SRRM4: variants seen among roughly 807,000 people sequenced by gnomAD.
SRRM4 encodes serine/arginine repetitive matrix 4.
In SRRM4, 33 loss-of-function variants were observed where a neutral mutation model predicts 68.9. The observed-to-expected ratio is 0.48, with a 90% CI of 0.36 to 0.64. The LOEUF is 0.64. Among genes scored for constraint, SRRM4 ranks in the 30% least tolerant of loss-of-function variants. The pLI is 0.00. For synonymous variants in SRRM4, 318 were observed against 318.8 expected (o/e 1.00, Z 0.03); for missense variants, 817 against 827.1 (o/e 0.99, Z 0.15).
chr12:118,985,629 A>G (rs1028856085), intron 1 of SRRM4, among the ~76,000 whole-genome samples: 3 of 152,230 alleles, frequency 2.0e-5, no homozygotes, highest in Non-Finnish European at 2.9e-5. Context: ...GATAAGATAT[A>G]TGAATCTCTA....
At chr12:119,003,649 A>G (rs992331706) in intron 1 of SRRM4, among the ~76,000 whole-genome samples, 9 of 151,916 alleles carry the variant, frequency 5.9e-5, no homozygotes, top group African/African-American at 2.2e-4. Flanking sequence ...AACCCTCCCA[A>G]TGGGCAGCAG....
intron 9 of SRRM4, among the ~76,000 whole-genome samples, chr12:119,149,054 A>G (rs1240799835): frequency 6.6e-6 from 1 of 152,204 alleles, no homozygotes; most frequent in Non-Finnish European, 1.5e-5. Context: ...TCTGGGGGTA[A>G]TAATAGCATT....
intron 3 of SRRM4, 147 bp downstream of exon 3, chr12:119,114,511 A>C (rs1954165254): frequency 1.6e-6 from 1 of 614,912 alleles, no homozygotes; most frequent in Non-Finnish European, 2.9e-6. Flanking sequence ...GTCACTTTAC[A>C]TCTCTGTTCC....
At position 119,156,822 on chromosome 12, in the gene SRRM4, G is replaced by A. The variant is rs1717034883; in HGVS notation, c.*24G>A. On this transcript the variant is annotated 3_prime_UTR_variant, in exon 13 of 13. Coordinates refer to ENST00000267260, the MANE Select transcript of SRRM4 (RefSeq NM_194286.4). ...AAGTGCCCCTGAGCCAGCTGCCCGT[G>A]GGGGCCCCTTCGCGCTGCCAGCCTC... is the stretch of plus-strand genomic sequence containing the variant. The A allele has an allele frequency of 1.3e-6, 2 of 1,498,936 alleles. No individual in the cohort carries two copies. The highest frequency in any genetic ancestry group is 8.9e-7 in the Non-Finnish European group (1 of 1,126,570). The allele number at this position is 1,498,936 out of a possible 1,614,324, so 92.9% of individuals were successfully genotyped here.
At chr12:119,101,209 G>A (rs772085583) in intron 1 of SRRM4, among the ~76,000 whole-genome samples, 3 of 152,152 alleles carry the variant, frequency 2.0e-5, no homozygotes, top group Admixed American at 6.5e-5. Flanking sequence ...AGGGAGGGAT[G>A]TTCTCTGCGT....
chr12:119,157,928 G>T lies in SRRM4; in HGVS notation c.*1130G>T. 6.5e-6 allele frequency: 1 copy of T among 152,968 alleles called. No homozygotes were observed. Among genetic ancestry groups the T allele is most frequent in the Non-Finnish European group, 1.5e-5 (1 of 68,272 alleles). The allele number at this position is 152,968 out of a possible 1,614,324, so 9.5% of individuals were successfully genotyped here. ...GGGGCACAGCAGCTCAGGTTTGGGG[G>T]AAAAGACCCGAATCCAGAGTGCAGG... is the stretch of plus-strand genomic sequence containing the variant. On this transcript the variant is annotated 3_prime_UTR_variant, in exon 13 of 13. Coordinates refer to ENST00000267260, the MANE Select transcript of SRRM4 (RefSeq NM_194286.4). This position sits in a 1 kb window ranked among gnomAD's most constrained non-coding sequence, Gnocchi z 4.1.
At chr12:119,057,282 C>T (rs369619955) in intron 1 of SRRM4, among the ~76,000 whole-genome samples, 5 of 152,270 alleles carry the variant, frequency 3.3e-5, no homozygotes, top group South Asian at 4.1e-4. Context: ...CAAAGATCAA[C>T]TCATCACCTA....
At chr12:119,059,040 C>T (rs1240497268) in intron 1 of SRRM4, among the ~76,000 whole-genome samples, 1 of 152,152 alleles carries the variant, frequency 6.6e-6, no homozygotes, top group Admixed American at 6.6e-5. Context: ...TCTGCCCAGC[C>T]CTCCTCTGTG....
In SRRM4 at chr12:119,145,640, C is replaced by A. The variant is rs1463161286; in HGVS notation, c.1031C>A (p.Ala344Asp). The A allele has an allele frequency of 1.3e-6, 2 of 1,533,204 alleles. No individual in the cohort carries two copies. The highest frequency in any genetic ancestry group is 1.4e-5 in the African/African-American group (1 of 72,102). 95.0% of individuals were successfully genotyped at this position (1,533,204 alleles called of 1,614,324 possible). A position where few individuals can be genotyped will look rare whatever the true frequency, so the allele number is the denominator to read the frequency against. Residue 344 changes from alanine (A) to aspartate (D), a missense_variant, in exon 9 of 13, where the codon GCC becomes GAC. Ala to Asp is a moderately radical substitution (Grantham distance 126, BLOSUM62 -2). Transcript: ENST00000267260. The stretch of plus-strand genomic sequence containing the variant: ...ACCTCCTCACCCCAGAACAAGGGGG[C>A]CATGTTGGAGAATCTCTCCCCCACC... ...FTTSSPQNKG[A>D]MLENLSPTSR...
At chr12:119,010,049 C>T (rs1953439199) in intron 1 of SRRM4, among the ~76,000 whole-genome samples, 1 of 152,172 alleles carries the variant, frequency 6.6e-6, no homozygotes, top group African/African-American at 2.4e-5. Context: ...ATAGTAGGCT[C>T]TCAGAAAATA....
At chr12:119,142,572 C>T (rs1954371873) in intron 8 of SRRM4, among the ~76,000 whole-genome samples, 1 of 152,172 alleles carries the variant, frequency 6.6e-6, no homozygotes, top group South Asian at 2.1e-4. Context: ...GGAACAAGTA[C>T]TTGGGAGAGA....
At position 119,154,588 on chromosome 12, in the gene SRRM4, C is replaced by T. The variant is rs1954460982; in HGVS notation, c.1532+205C>T. ...GAGTCTCCCAGCTCAACCAGCAGGGCCTGCAAGAAGGGGGCGGGGCCAGCC... is the reference window on the plus strand; with the variant it reads ...GAGTCTCCCAGCTCAACCAGCAGGGTCTGCAAGAAGGGGGCGGGGCCAGCC... On this transcript the variant is annotated intron_variant, in intron 12 of 12. Coordinates refer to ENST00000267260, the MANE Select transcript of SRRM4 (RefSeq NM_194286.4). The surrounding 1 kb of genome is among the most constrained non-coding windows in gnomAD (Gnocchi z 4.7). Among the ~76,000 whole-genome samples the T allele has an allele frequency of 6.6e-6, 1 of 152,328 alleles. No individual in the cohort carries two copies. The highest frequency in any genetic ancestry group is 2.1e-4 in the South Asian group (1 of 4,830).
intron 8 of SRRM4, among the ~76,000 whole-genome samples, chr12:119,144,338 T>A (rs937711632): frequency 1.2e-4 from 18 of 152,186 alleles, no homozygotes; most frequent in African/African-American, 2.2e-4. Flanking sequence ...TTGGCTAGGT[T>A]AGGTCCCCTT....
In SRRM4 at chr12:119,162,839, G is replaced by A. The variant is rs1257256482; in HGVS notation, c.*6041G>A. ...GAGCCCAGCTCAGCCTGACCAGACA[G>A]CCTCTGCCTGGAGCATTCACATCAG... On this transcript the variant is annotated 3_prime_UTR_variant, in exon 13 of 13. Transcript: ENST00000267260. The A allele has an allele frequency of 2.0e-5, 3 of 152,236 alleles. No homozygotes were observed. Among genetic ancestry groups the A allele is most frequent in the Non-Finnish European group, 4.4e-5 (3 of 68,086 alleles). 9.4% of individuals were successfully genotyped at this position (152,236 alleles called of 1,614,324 possible). A position where few individuals can be genotyped will look rare whatever the true frequency, so the allele number is the denominator to read the frequency against.
At position 118,981,960 on chromosome 12, in the gene SRRM4, C is replaced by T. The variant is rs373485495; in HGVS notation, c.78C>T (p.Pro26=). 2 of 1,612,354 alleles carry T rather than the reference C, an allele frequency of 1.2e-6. No homozygotes were observed. Among genetic ancestry groups the T allele is most frequent in the South Asian group, 1.1e-5 (1 of 90,564 alleles). ...WRGTFKAVAT[P]RPESIIVASI... is the part of the protein sequence containing the mutation. ...GAACCTTCAAAGCGGTGGCCACCCC[C>T]CGTCCCGAGAGCATCATTGTCGCCA... The change falls in exon 1 of 13, where the codon CCC becomes CCT. Residue 26 remains proline, a synonymous_variant. Transcript: ENST00000267260.
chr12:119,120,135 C>G (rs73213768), intron 4 of SRRM4, 115 bp from the exon 5 acceptor site: 20,207 of 585,072 alleles, frequency 0.035, 433 homozygotes, highest in Non-Finnish European at 0.042. Flanking sequence ...TCCCTTTCTT[C>G]CTTCCTCCTT....
intron 1 of SRRM4, among the ~76,000 whole-genome samples, chr12:118,996,482 A>T (rs537720157): frequency 4.1e-4 from 62 of 152,380 alleles, no homozygotes; most frequent in African/African-American, 1.4e-3. Flanking sequence ...ATGAATAACT[A>T]GTGACTAGAA....
At chr12:119,077,629 A>T (rs747984573) in intron 1 of SRRM4, among the ~76,000 whole-genome samples, 4 of 152,044 alleles carry the variant, frequency 2.6e-5, no homozygotes, top group Non-Finnish European at 5.9e-5. Flanking sequence ...TTCCTTTCTG[A>T]CTTCTGGTTC....
intron 1 of SRRM4, among the ~76,000 whole-genome samples, chr12:118,999,072 G>T (rs551500922): frequency 6.6e-6 from 1 of 152,346 alleles, no homozygotes; most frequent in East Asian, 1.9e-4. Context: ...AAGACAAAAT[G>T]AAGACAATCT....
Sources: gnomAD v4.1 joint callset for allele counts (sites outside exome capture counted in the v4.1 genomes callset) on GRCh38, gnomAD v4.1.1 for gene constraint, Gnocchi (gnomAD v3.1) non-coding constraint, MANE v1.5 for transcripts, NCBI Gene and HGNC (gene_info 2026-07-23, HGNC 2026-07-21) for gene names.